Variants in CEP83 observed in about 807,000 individuals in gnomAD.
CEP83 encodes the protein centrosomal protein of 83 kDa.
CEP83 carries 70 observed loss-of-function variants against 101.9 expected under a neutral mutation model. The ratio of observed to expected loss-of-function variants is 0.69; its 90% CI spans 0.57 to 0.84. The LOEUF (loss-of-function observed/expected upper bound fraction) is 0.84, where lower values mean the gene tolerates loss of function less well. CEP83 is among the 40% of genes least tolerant of loss of function. The pLI is 0.00. For synonymous variants in CEP83, 264 were observed against 267.9 expected, an observed-to-expected ratio of 0.99 and a Z score of 0.14; for missense variants, 715 against 787.2, an observed-to-expected ratio of 0.91 and a Z score of 1.10.
chr12:94,386,436 C>T (rs1005278982), intron 6 of CEP83, among the ~76,000 whole-genome samples: 1 of 152,186 alleles, frequency 6.6e-6, no homozygotes, highest in African/African-American at 2.4e-5. Flanking sequence ...TGGAGCTCTG[C>T]AATACTCTGC....
chr12:94,277,071 A>C, the CEP83 span: 2 of 152,248 alleles, frequency 1.3e-5, no homozygotes, highest in Non-Finnish European at 2.9e-5. Flanking sequence ...TAAACACCAT[A>C]AACTGGGTGG....
At chr12:94,399,369 C>T (rs188039972) in intron 6 of CEP83, among the ~76,000 whole-genome samples, 151 of 152,162 alleles carry the variant, frequency 9.9e-4, no homozygotes, top group Middle Eastern at 3.4e-3. Flanking sequence ...GGGTGGGTTC[C>T]CCCAATAAAT....
At chr12:94,407,282 A>G (rs989040142) in intron 4 of CEP83, among the ~76,000 whole-genome samples, 13 of 152,288 alleles carry the variant, frequency 8.5e-5, no homozygotes, top group Admixed American at 7.8e-4. Flanking sequence ...TATGGAACTC[A>G]ATAAACCCCA....
intron 2 of CEP83, 98 bp from the exon 3 acceptor site, chr12:94,412,689 T>C (rs1321829138): frequency 1.8e-5 from 7 of 379,944 alleles, no homozygotes; most frequent in African/African-American, 1.7e-4. Context: ...ATTCTTTTTT[T>C]TTTCTTTTTT....
At position 94,449,278 on chromosome 12, in the gene CEP83, A is replaced by G. The variant is rs562063417; in HGVS notation, c.-155+10279T>C. The stretch of plus-strand genomic sequence containing the variant: ...CAAGAAGTGAAGAAACTGAACCAAT[A>G]ATTTTAAATATTCCCACAAAGAAAT... On this transcript the variant is annotated intron_variant, in intron 1 of 16. Coordinates refer to ENST00000397809, the MANE Select transcript of CEP83 (RefSeq NM_016122.3). Among the ~76,000 whole-genome samples, 3 of 152,294 alleles carry G rather than the reference A, an allele frequency of 2.0e-5. No homozygotes were observed. In the South Asian group the frequency reaches 6.2e-4, roughly 32 times the overall value.
intron 6 of CEP83, among the ~76,000 whole-genome samples, chr12:94,391,146 G>A (rs1593645493): frequency 6.6e-6 from 1 of 152,072 alleles, no homozygotes; most frequent in African/African-American, 2.4e-5. Flanking sequence ...GACACTCCTC[G>A]AGAAGAGCAA....
At chr12:94,432,479 G>A (rs867529751) in intron 2 of CEP83, among the ~76,000 whole-genome samples, 18 of 152,188 alleles carry the variant, frequency 1.2e-4, no homozygotes, top group Middle Eastern at 3.4e-3. Context: ...ATTACAATAA[G>A]TGAAATAAGC....
the CEP83 span, among the ~76,000 whole-genome samples, chr12:94,273,191 G>A: frequency 1.3e-5 from 2 of 152,162 alleles, no homozygotes; most frequent in Admixed American, 6.5e-5. Context: ...ATAAATGCTG[G>A]TCCTTATTAT....
At chr12:94,303,698 T>G, downstream of CEP83, 1 of 1,111,518 alleles carries the variant, frequency 9.0e-7, no homozygotes, top group South Asian at 1.8e-5. Flanking sequence ...TCCATCTTTT[T>G]TTTTTTTTTT....
the CEP83 span, among the ~76,000 whole-genome samples, chr12:94,267,291 T>C: frequency 6.6e-6 from 1 of 152,198 alleles, no homozygotes; most frequent in African/African-American, 2.4e-5. Context: ...GAGGCAACTT[T>C]TGAGGTTTTG....
chr12:94,292,068 T>C, the CEP83 span, among the ~76,000 whole-genome samples: 17 of 152,356 alleles, frequency 1.1e-4, no homozygotes, highest in Non-Finnish European at 1.9e-4. Flanking sequence ...TTTCCTTTTA[T>C]TGTATGGCAA....
At chr12:94,399,731 C>T (rs1355571512) in intron 6 of CEP83, among the ~76,000 whole-genome samples, 4 of 152,042 alleles carry the variant, frequency 2.6e-5, no homozygotes, top group Admixed American at 2.6e-4. Flanking sequence ...CTTGATCAAT[C>T]AATCAAAGAA....
chr12:94,389,953 A>G (rs940345688), intron 6 of CEP83, among the ~76,000 whole-genome samples: 2 of 152,204 alleles, frequency 1.3e-5, no homozygotes, highest in Non-Finnish European at 2.9e-5. Flanking sequence ...GTAGGTAAAC[A>G]AAACGGCCAG....
chr12:94,402,614 A>G (rs976055915), intron 5 of CEP83, among the ~76,000 whole-genome samples: 1 of 152,160 alleles, frequency 6.6e-6, no homozygotes, highest in East Asian at 1.9e-4. Context: ...AGATGTGCCA[A>G]TTAGGCTGGG....
At chr12:94,356,788 C>A (rs190943570) in intron 11 of CEP83, among the ~76,000 whole-genome samples, 1 of 152,190 alleles carries the variant, frequency 6.6e-6, no homozygotes. Flanking sequence ...CTGCTCAGTT[C>A]TTACAATTTA....
intron 2 of CEP83, among the ~76,000 whole-genome samples, chr12:94,430,441 T>A (rs748737157): frequency 3.4e-5 from 5 of 147,796 alleles, no homozygotes; most frequent in Non-Finnish European, 6.0e-5. Flanking sequence ...AAAAAAAGAA[T>A]CAAATTCTGG....
At chr12:94,347,050 A>AATATATATATATATATATATATAT (rs137940620) in intron 11 of CEP83, among the ~76,000 whole-genome samples, 13 of 132,010 alleles carry the variant, frequency 9.8e-5, no homozygotes, top group African/African-American at 3.1e-4. Context: ...AAAATAAACA[A>AATATATATATATATATATATATAT]ATATATATAT....
chr12:94,316,831 G>A (rs1970779026), intron 14 of CEP83, among the ~76,000 whole-genome samples: 2 of 152,042 alleles, frequency 1.3e-5, no homozygotes, highest in Non-Finnish European at 2.9e-5. Context: ...TTCCATTGAT[G>A]GGCATTTAGG....
chr12:94,406,627 A>T (rs960274415), intron 4 of CEP83, among the ~76,000 whole-genome samples: 1 of 152,160 alleles, frequency 6.6e-6, no homozygotes, highest in Admixed American at 6.5e-5. Context: ...TTGGATAGAG[A>T]TAAAAAGACC....
Sources: allele counts gnomAD v4.1 joint callset (sites outside exome capture counted in the v4.1 genomes callset), GRCh38; gene constraint gnomAD v4.1.1; transcripts MANE v1.5; gene names NCBI Gene and HGNC (gene_info 2026-07-23, HGNC 2026-07-21).